IGDCC4: variants seen among roughly 807,000 people sequenced by gnomAD.
IGDCC4 encodes the protein immunoglobulin superfamily DCC subclass member 4, also known as likely ortholog of mouse neighbor of Punc E11.
IGDCC4 carries 72 observed loss-of-function variants against 116.6 expected under a neutral mutation model. The observed-to-expected ratio is 0.62, with a 90% confidence interval of 0.51 to 0.75. The LOEUF is 0.75. Ranked by LOEUF, IGDCC4 falls within the 30% of genes least tolerant of loss-of-function variation. The pLI, the probability that IGDCC4 is intolerant of heterozygous loss-of-function variation, is 0.00. For missense variants in IGDCC4, 1,501 were observed against 1,662.4 expected, an observed-to-expected ratio of 0.90 and a Z score of 1.69; for synonymous variants, 709 against 719.9, an observed-to-expected ratio of 0.98 and a Z score of 0.24.
chr15:65,422,945 A>G lies in IGDCC4; in HGVS notation c.-83T>C, dbSNP rs893426225. 67 of 906,536 alleles carry G rather than the reference A, an allele frequency of 7.4e-5. No homozygotes were observed. Among genetic ancestry groups the G allele is most frequent in the Non-Finnish European group, 8.5e-5 (65 of 761,740 alleles). The allele number at this position is 906,536 out of a possible 1,614,324, so 56.2% of individuals were successfully genotyped here. ...GCGGGGGGAGAGCGCGCCGGGCGTC[A>G]GTGGCCCGGGGAGGCGCGGCGCCGC... On this transcript the variant is annotated 5_prime_UTR_variant, in exon 1 of 20. Transcript: ENST00000352385.
At position 65,388,487 on chromosome 15, in the gene IGDCC4, C is replaced by G. The variant is rs115076941; in HGVS notation, c.2807G>C (p.Arg936Pro). The G allele has an allele frequency of 1.6e-5, 26 of 1,614,108 alleles. No homozygotes were observed. The South Asian group carries it at 2.9e-4, about 18-fold the overall frequency. ...CTGGAGCGTGATCACATCCTGCAGG[C>G]GGGAGAAAGGCCCAGGTCCCACCTC... Reference protein sequence around the residue: ...RTEVGPGPFSRLQDVITLQEK... With the variant: ...RTEVGPGPFSPLQDVITLQEK... Residue 936 changes from arginine to proline, a missense_variant, in exon 16 of 20, where the codon CGC (arginine) becomes CCC (proline). This residue lies in a region of IGDCC4 where 235 missense variants were observed against 328.0 expected (regional missense o/e 0.72). Transcript: ENST00000352385.
intron 18 of IGDCC4, chr15:65,385,317 C>G: frequency 1.7e-6 from 1 of 594,882 alleles, no homozygotes; most frequent in Non-Finnish European, 2.9e-6. Flanking sequence ...AGTCCTCCTG[C>G]AGAGGAGCGG....
chr15:65,400,995 A>G (rs2062980102), intron 4 of IGDCC4, 49 bp from the exon 5 acceptor site: 19 of 1,611,898 alleles, frequency 1.2e-5, no homozygotes, highest in African/African-American at 2.7e-5. Context: ...GGCATTTGCC[A>G]TGCGATACCT....
intron 15 of IGDCC4, 51 bp from the exon 16 acceptor site, chr15:65,388,637 A>G (rs1457717046): frequency 1.9e-5 from 30 of 1,609,546 alleles, no homozygotes; most frequent in Non-Finnish European, 2.5e-5. Flanking sequence ...GGGTGGGTGG[A>G]TGCAGAGGTG....
intron 1 of IGDCC4, among the ~76,000 whole-genome samples, chr15:65,416,663 T>C (rs1220635020): frequency 6.6e-6 from 1 of 152,084 alleles, no homozygotes; most frequent in Non-Finnish European, 1.5e-5. Context: ...GTGGACACAT[T>C]GCAGGTGCCC....
In IGDCC4 at chr15:65,395,820, C is replaced by A. The variant is rs1385002063; in HGVS notation, c.1341G>T (p.Val447=). The A allele has an allele frequency of 6.6e-7, 1 of 1,521,244 alleles. No individual in the cohort carries two copies. Among genetic ancestry groups the A allele is most frequent in the Admixed American group, 1.9e-5 (1 of 52,296 alleles). 94.2% of individuals were successfully genotyped at this position (1,521,244 alleles called of 1,614,324 possible). A position where few individuals can be genotyped will look rare whatever the true frequency, so the allele number is the denominator to read the frequency against. ...TGTGCATCTCGGGCCGCTCCCAGGC[C>A]ACCAACACAGCGGAGCTGCTCAGTG... The part of the protein sequence containing the change: ...ATPLSSSAVL[V]AWERPEMHSE... The change falls in exon 7 of 20, where the codon GTG becomes GTT. Residue 447 remains valine, a synonymous_variant. Transcript: ENST00000352385.
chr15:65,422,519 A>AACACACACACACACACAC (rs140587709), intron 1 of IGDCC4, among the ~76,000 whole-genome samples: 34 of 131,318 alleles, frequency 2.6e-4, no homozygotes, highest in South Asian at 1.1e-3. Flanking sequence ...GAGCACTCCC[A>AACACACACACACACACAC]ACACACACAC....
In IGDCC4 at chr15:65,411,239, T is replaced by TG. The variant is rs1567092949; in HGVS notation, c.201dup (p.Thr68HisfsTer38). 1.2e-6 allele frequency: 2 copies of TG among 1,614,102 alleles called. No individual in the cohort carries two copies. Among genetic ancestry groups the TG allele is most frequent in the Non-Finnish European group, 8.5e-7 (1 of 1,179,998 alleles). On this transcript the variant is annotated frameshift_variant, in exon 2 of 20. Transcript: ENST00000352385. LOFTEE classifies it high-confidence loss of function. ...CCATCCTTGCTCCAGGTCACCCTGG[T>TG]GGGGGGTCCAGCGGCAGCAGCCCCC...
Position 65,385,012 on chromosome 15 carries a change from G to A in IGDCC4, c.3284C>T (p.Pro1095Leu), listed in dbSNP as rs779710828. Residue 1095 changes from proline (P) to leucine (L), a missense_variant, in exon 19 of 20, where the codon CCC becomes CTC. By Grantham distance (98) the Pro-to-Leu change is moderately conservative (BLOSUM62 -3). Coordinates refer to ENST00000352385, the MANE Select transcript of IGDCC4 (RefSeq NM_020962.3). The part of the protein sequence containing the change: ...PRPALTRALL[P>L]PAGTGQTLLL... Reference sequence around the variant, plus strand: ...CAGCGTCTGCCCAGTTCCAGCAGGGGGCAGCAGGGCCCGGGTCAGAGCCGG... The same window carrying A: ...CAGCGTCTGCCCAGTTCCAGCAGGGAGCAGCAGGGCCCGGGTCAGAGCCGG... 6.8e-6 allele frequency: 11 copies of A among 1,609,912 alleles called. No homozygotes were observed. Among genetic ancestry groups the A allele is most frequent in the East Asian group, 2.2e-5 (1 of 44,602 alleles).
rs750853351 is a variant in IGDCC4 at position 65,402,341 on chromosome 15, GC to G, written c.700+9del. On this transcript the variant is annotated intron_variant, in intron 4 of 19. Transcript: ENST00000352385. ...ACCCCCAGGTTTCCCCACCCAGCCA[GC>G]CCCCTTACCTCTGTGGGCCACACTG... The G allele has an allele frequency of 5.1e-6, 8 of 1,559,254 alleles. No individual in the cohort carries two copies. The South Asian group carries it at 9.5e-5, about 18-fold the overall frequency.
chr15:65,401,063 A>G, intron 4 of IGDCC4, 117 bp from the exon 5 acceptor site: 1 of 1,293,350 alleles, frequency 7.7e-7, no homozygotes, highest in Non-Finnish European at 1.1e-6. Flanking sequence ...CAATGATTCC[A>G]TCTGTCAGAT....
In IGDCC4 at chr15:65,385,034, C is replaced by G; in HGVS notation, c.3262G>C (p.Ala1088Pro). 1.2e-6 allele frequency: 2 copies of G among 1,605,374 alleles called. No individual in the cohort carries two copies. The highest frequency in any genetic ancestry group is 2.3e-5 in the East Asian group (1 of 44,398). ...CELPQAGPRP[A>P]LTRALLPPAG... Reference sequence around the variant, plus strand: ...GGGGGCAGCAGGGCCCGGGTCAGAGCCGGCCGGGGGCCTGCCTGGGGCAGC... The same window carrying G: ...GGGGGCAGCAGGGCCCGGGTCAGAGGCGGCCGGGGGCCTGCCTGGGGCAGC... Residue 1088 changes from alanine (A) to proline (P), a missense_variant, in exon 19 of 20, where the codon GCT becomes CCT. Ala to Pro is a conservative substitution (Grantham distance 27, BLOSUM62 -1). Around this residue, in one of 3 missense-constraint regions of IGDCC4, gnomAD observed 368 missense variants for 355.6 expected, o/e 1.03. Coordinates refer to ENST00000352385, the MANE Select transcript of IGDCC4 (RefSeq NM_020962.3).
intron 5 of IGDCC4, among the ~76,000 whole-genome samples, chr15:65,398,533 C>CA (rs3082803): frequency 0.018 from 1,386 of 77,356 alleles, 20 homozygotes; most frequent in Non-Finnish European, 0.024. Context: ...AACTCCATCT[C>CA]AAAAAAAAAA....
At chr15:65,403,631 C>A (rs2063011847) in intron 3 of IGDCC4, among the ~76,000 whole-genome samples, 1 of 152,012 alleles carries the variant, frequency 6.6e-6, no homozygotes, top group Non-Finnish European at 1.5e-5. Flanking sequence ...AAACTCGAAC[C>A]CAAGTCTTCT....
chr15:65,422,716 G>T, intron 1 of IGDCC4, 77 bp downstream of exon 1: 1 of 1,150,398 alleles, frequency 8.7e-7, no homozygotes, highest in Non-Finnish European at 1.1e-6. Flanking sequence ...AGCCAGCCCC[G>T]CAGCCCGATG....
chr15:65,394,425 C>A lies in IGDCC4; in HGVS notation c.1700G>T (p.Gly567Val), dbSNP rs528209903. Residue 567 changes from glycine to valine, a missense_variant, in exon 9 of 20, where the codon GGT (glycine) becomes GTT (valine). Physicochemically the swap from Gly to Val is moderately radical, Grantham distance 109. Coordinates refer to ENST00000352385, the MANE Select transcript of IGDCC4 (RefSeq NM_020962.3). ...GQVVKYKIEY[G>V]LGKEDQIFST... is the part of the protein sequence containing the mutation. Reference sequence around the variant, plus strand: ...CCCCCACTCACCTTCCTTTCCCAAACCGTATTCTATCTTGTACTTCACCAC... The same window carrying A: ...CCCCCACTCACCTTCCTTTCCCAAAACGTATTCTATCTTGTACTTCACCAC... 1.4e-5 allele frequency: 23 copies of A among 1,613,960 alleles called. No homozygotes were observed. The highest frequency in any genetic ancestry group is 3.3e-4 in the Middle Eastern group (2 of 6,080).
At chr15:65,399,809 CTT>C (rs2062967493) in intron 5 of IGDCC4, among the ~76,000 whole-genome samples, 1 of 152,078 alleles carries the variant, frequency 6.6e-6, no homozygotes, top group Admixed American at 6.5e-5. Flanking sequence ...GAGATATAAA[CTT>C]ATATTTTTAA....
intron 13 of IGDCC4, 53 bp downstream of exon 13, chr15:65,390,102 C>G: frequency 6.8e-7 from 1 of 1,466,758 alleles, no homozygotes; most frequent in Non-Finnish European, 9.3e-7. Context: ...CCACCACCAC[C>G]CCCCACCTAT....
At chr15:65,386,757 C>G (rs1406672521) in intron 16 of IGDCC4, 101 bp from the exon 17 acceptor site, 1 of 830,342 alleles carries the variant, frequency 1.2e-6, no homozygotes, top group African/African-American at 1.7e-5. Context: ...ACCAGCTGGA[C>G]CCTCACCCTT....
Sources: gnomAD v4.1 joint callset for allele counts (sites outside exome capture counted in the v4.1 genomes callset) on GRCh38, gnomAD v4.1.1 for gene constraint, gnomAD v4.1.1 regional missense constraint, MANE v1.5 for transcripts, NCBI Gene and HGNC (gene_info 2026-07-23, HGNC 2026-07-21) for gene names.